The following SCHIP1 variants were observed in gnomAD, a reference collection of about 807,000 sequenced individuals.
SCHIP1 encodes the protein schwannomin interacting protein 1, also known as schwannomin-interacting protein 1.
In SCHIP1, 8 loss-of-function variants were observed where a neutral mutation model predicts 29.7. The ratio of observed to expected loss-of-function variants is 0.27; its 90% confidence interval spans 0.16 to 0.49. SCHIP1 has a LOEUF of 0.49. SCHIP1 is among the 20% of genes least tolerant of loss of function. SCHIP1 has a pLI of 0.99. For synonymous variants in SCHIP1, 76 were observed against 94.9 expected (o/e 0.80, Z 1.16); for missense variants, 193 against 294.6 (o/e 0.66, Z 2.52).
chr3:159,422,625 C>A, the SCHIP1 span, among the ~76,000 whole-genome samples: 1 of 152,168 alleles, frequency 6.6e-6, no homozygotes, highest in African/African-American at 2.4e-5. Flanking sequence ...CCAAGATGAA[C>A]CACTAACCTC....
the SCHIP1 span, among the ~76,000 whole-genome samples, chr3:159,597,740 A>G: frequency 1.3e-5 from 2 of 152,244 alleles, no homozygotes; most frequent in Non-Finnish European, 2.9e-5. Flanking sequence ...AATAAACACG[A>G]AAGTGCAATA....
chr3:159,351,763 A>G, the SCHIP1 span, among the ~76,000 whole-genome samples: 2 of 152,098 alleles, frequency 1.3e-5, no homozygotes, highest in Non-Finnish European at 2.9e-5. Flanking sequence ...TAAATCATAG[A>G]CCATAGGAGC....
the SCHIP1 span, among the ~76,000 whole-genome samples, chr3:159,718,758 C>G: frequency 4.6e-5 from 7 of 152,158 alleles, no homozygotes; most frequent in Non-Finnish European, 8.8e-5. Context: ...GAAGAACATT[C>G]CATGCTCATA....
chr3:159,331,222 G>A, the SCHIP1 span, among the ~76,000 whole-genome samples: 1 of 152,140 alleles, frequency 6.6e-6, no homozygotes, highest in South Asian at 2.1e-4. Flanking sequence ...TGGGAGACAG[G>A]ACACAAGACA....
the SCHIP1 span, among the ~76,000 whole-genome samples, chr3:159,334,786 C>T: frequency 1.3e-5 from 2 of 152,096 alleles, no homozygotes; most frequent in African/African-American, 4.8e-5. Context: ...ATTTGTTAAT[C>T]TAGTCTCCAA....
At chr3:159,755,712 G>C in the SCHIP1 span, among the ~76,000 whole-genome samples, 2 of 152,180 alleles carry the variant, frequency 1.3e-5, no homozygotes, top group Non-Finnish European at 2.9e-5. Context: ...TTCCACCTAT[G>C]AGCCTGTAAA....
the SCHIP1 span, among the ~76,000 whole-genome samples, chr3:159,339,645 A>G: frequency 3.3e-5 from 5 of 152,190 alleles, no homozygotes; most frequent in African/African-American, 2.4e-5. Flanking sequence ...CTTATTTAAC[A>G]GATGTTTTAA....
chr3:159,496,583 A>G, the SCHIP1 span, among the ~76,000 whole-genome samples: 6 of 152,226 alleles, frequency 3.9e-5, no homozygotes, highest in Non-Finnish European at 8.8e-5. Context: ...TAGAATGGCA[A>G]TCATTAAAAA....
the SCHIP1 span, among the ~76,000 whole-genome samples, chr3:159,814,643 G>A: frequency 1.9e-4 from 29 of 152,194 alleles, no homozygotes; most frequent in Non-Finnish European, 4.0e-4. Flanking sequence ...TAGGGATACT[G>A]CCGAGCCCCC....
At chr3:159,278,690 C>A in the SCHIP1 span, among the ~76,000 whole-genome samples, 1 of 152,104 alleles carries the variant, frequency 6.6e-6, no homozygotes, top group Non-Finnish European at 1.5e-5. Context: ...TTCAAGGGGT[C>A]AATATCAAGT....
the SCHIP1 span, among the ~76,000 whole-genome samples, chr3:159,659,736 A>C: frequency 6.6e-6 from 1 of 152,224 alleles, no homozygotes; most frequent in African/African-American, 2.4e-5. Flanking sequence ...GTTTAAAAAA[A>C]ACCTGAGAAA....
At chr3:159,638,783 C>G in the SCHIP1 span, among the ~76,000 whole-genome samples, 1 of 151,964 alleles carries the variant, frequency 6.6e-6, no homozygotes, top group Admixed American at 6.6e-5. Context: ...TACTTATATT[C>G]ATTTATATAT....
the SCHIP1 span, among the ~76,000 whole-genome samples, chr3:159,429,224 G>A: frequency 5.6e-5 from 8 of 141,834 alleles, no homozygotes; most frequent in African/African-American, 1.3e-4. Context: ...AATGACATAA[G>A]AAAAAAAAAA....
chr3:159,660,972 G>A, the SCHIP1 span, among the ~76,000 whole-genome samples: 3 of 152,118 alleles, frequency 2.0e-5, no homozygotes, highest in Non-Finnish European at 1.5e-5. Flanking sequence ...GAGTGTATAC[G>A]AATGCCAGGC....
At chr3:159,342,659 T>G in the SCHIP1 span, among the ~76,000 whole-genome samples, 1 of 152,224 alleles carries the variant, frequency 6.6e-6, no homozygotes, top group Non-Finnish European at 1.5e-5. Flanking sequence ...GAAAGATTGT[T>G]GACTTTGCCA....
chr3:159,354,992 A>G, the SCHIP1 span, among the ~76,000 whole-genome samples: 3 of 152,124 alleles, frequency 2.0e-5, no homozygotes, highest in Admixed American at 1.3e-4. Context: ...ATTGCCTCCC[A>G]TAGATATTCT....
intron 5 of SCHIP1, among the ~76,000 whole-genome samples, chr3:159,889,337 T>A (rs1177027161): frequency 6.6e-6 from 1 of 152,168 alleles, no homozygotes; most frequent in Non-Finnish European, 1.5e-5. Flanking sequence ...AAAATCAAAT[T>A]AGACACATTT....
At chr3:159,888,508 T>G (rs954687737) in intron 4 of SCHIP1, 5 of 244,724 alleles carry the variant, frequency 2.0e-5, no homozygotes, top group Non-Finnish European at 3.9e-5. Context: ...TACTAATTTT[T>G]TCCATGTCAT....
chr3:159,803,272 A>C, the SCHIP1 span, among the ~76,000 whole-genome samples: 1 of 152,214 alleles, frequency 6.6e-6, no homozygotes, highest in African/African-American at 2.4e-5. Context: ...AAAGTATCCC[A>C]TAGAAAGAAT....
Sources: allele counts gnomAD v4.1 joint callset (sites outside exome capture counted in the v4.1 genomes callset), GRCh38; gene constraint gnomAD v4.1.1; transcripts MANE v1.5; gene names NCBI Gene and HGNC (gene_info 2026-07-23, HGNC 2026-07-21).